The following ING3 variants were observed in gnomAD, a reference collection of about 807,000 sequenced individuals.
ING3 encodes inhibitor of growth family member 3.
A neutral mutation model predicts 64.8 loss-of-function variants in ING3; 6 were observed. That is an observed-to-expected ratio of 0.09 (90% CI 0.05 to 0.18). The LOEUF (loss-of-function observed/expected upper bound fraction) is 0.18, where lower values mean the gene tolerates loss of function less well. ING3 is among the 10% of genes least tolerant of loss of function. ING3 has a pLI of 1.00. For synonymous variants in ING3, 170 were observed against 173.7 expected (o/e 0.98, Z 0.17); for missense variants, 310 against 489.7 (o/e 0.63, Z 3.46).
In ING3 at chr7:120,964,810, T is replaced by A. The variant is rs1795977287; in HGVS notation, c.336T>A (p.Asn112Lys). 6.2e-7 allele frequency: 1 copy of A among 1,613,394 alleles called. No homozygotes were observed. The highest frequency in any genetic ancestry group is 8.5e-7 in the Non-Finnish European group (1 of 1,179,620). ...TTAAAATGGAGCTGGAAGCTGATAA[T>A]GCTGGAATTACAGAAATATTAGAGA... ...AKFKMELEADNAGITEILERR... is the reference protein window; with the variant it reads ...AKFKMELEADKAGITEILERR... Residue 112 changes from asparagine to lysine, a missense_variant, in exon 5 of 12, where the codon AAT becomes AAA. This residue lies in a region of ING3 where 233 missense variants were observed against 289.4 expected (regional missense o/e 0.81). Transcript: ENST00000315870.
Position 120,967,989 on chromosome 7 carries a change from C to A in ING3, c.612C>A (p.Ser204=). ...CTAACAATGCCTACAATGTGAATTC[C>A]TCCCAACCTCTGGGATCCTATAACA... The part of the protein sequence containing the change: ...ASSNNAYNVN[S]SQPLGSYNIG... Residue 204 remains serine (S), a synonymous_variant, in exon 8 of 12, where the codon TCC becomes TCA. Coordinates refer to ENST00000315870, the MANE Select transcript of ING3 (RefSeq NM_019071.3). 1 of 1,614,064 alleles carries A rather than the reference C, an allele frequency of 6.2e-7. No individual in the cohort carries two copies. Among genetic ancestry groups the A allele is most frequent in the Non-Finnish European group, 8.5e-7 (1 of 1,179,970 alleles).
intron 11 of ING3, 139 bp downstream of exon 11, chr7:120,973,382 A>G: frequency 1.7e-6 from 1 of 583,064 alleles, no homozygotes; most frequent in East Asian, 2.9e-5. Flanking sequence ...TAATGCTAGA[A>G]TATTCCTCTT....
chr7:120,963,260 T>A (rs1795956384), intron 4 of ING3, among the ~76,000 whole-genome samples: 1 of 152,206 alleles, frequency 6.6e-6, no homozygotes, highest in African/African-American at 2.4e-5. Context: ...TGTTATAGGT[T>A]TTTAAATATT....
rs1795848519 is a variant in ING3, at chr7:120,956,429, G to A, written c.267+805G>A. The A allele has an allele frequency of 3.2e-6, 4 of 1,232,170 alleles. No homozygotes were observed. The South Asian group carries it at 5.3e-5, about 16-fold the overall frequency. The allele number at this position is 1,232,170 out of a possible 1,614,324, so 76.3% of individuals were successfully genotyped here. A position where few individuals can be genotyped will look rare whatever the true frequency, so the allele number is the denominator to read the frequency against. ...CTGAACAAGTACGTGTAAGTAAAAT[G>A]TCATTGGTGAGCAGGACACAAGATA... On this transcript the variant is annotated intron_variant, in intron 4 of 11. Transcript: ENST00000315870.
At position 120,951,082 on chromosome 7, in the gene ING3, C is replaced by T. The variant is rs1795755246; in HGVS notation, c.29-82C>T. ...CGTTGTGGGCTGCCGGCCCCCTCGA[C>T]CCCCCTGACGCACGCGCGCAGTGAC... On this transcript the variant is annotated intron_variant, in intron 1 of 11. Coordinates refer to ENST00000315870, the MANE Select transcript of ING3 (RefSeq NM_019071.3). 5.2e-6 allele frequency: 8 copies of T among 1,540,422 alleles called. 1 individual carries two copies. Among genetic ancestry groups the T allele is most frequent in the South Asian group, 4.5e-5 (4 of 89,130 alleles).
chr7:120,965,195 T>C (rs17143067), intron 5 of ING3, among the ~76,000 whole-genome samples: 3,622 of 152,316 alleles, frequency 0.024, 142 homozygotes, highest in African/African-American at 0.082. Context: ...ACTTAAGCTT[T>C]GAGGAAAGTT....
At chr7:120,970,994 A>G (rs1796063718) in intron 10 of ING3, 114 bp downstream of exon 10, 4 of 1,105,100 alleles carry the variant, frequency 3.6e-6, no homozygotes, top group Middle Eastern at 2.9e-4. Flanking sequence ...CTTTATTTGT[A>G]TACTTTTCTC....
chr7:120,956,787 A>G (rs1363749636), intron 4 of ING3: 2 of 977,420 alleles, frequency 2.0e-6, no homozygotes, highest in Non-Finnish European at 2.4e-6. Flanking sequence ...GTTTAGTAAC[A>G]TTCTTCCTCA....
chr7:120,974,676 C>G, intron 11 of ING3, 52 bp from the exon 12 acceptor site: 3 of 971,014 alleles, frequency 3.1e-6, no homozygotes, highest in Admixed American at 1.7e-5. Context: ...TTAATATACT[C>G]TCTTGTCTTC....
At chr7:120,951,444 G>A (rs1795764315) in intron 2 of ING3, among the ~76,000 whole-genome samples, 1 of 152,198 alleles carries the variant, frequency 6.6e-6, no homozygotes, top group Admixed American at 6.5e-5. Context: ...AGAGCAGGAG[G>A]CATTGGGACA....
At chr7:120,955,185 AG>A (rs1322965836) in intron 3 of ING3, among the ~76,000 whole-genome samples, 30 of 152,244 alleles carry the variant, frequency 2.0e-4, no homozygotes, top group Admixed American at 7.2e-4. Context: ...GCTGGAGTGC[AG>A]TGGCCCAATC....
chr7:120,958,435 T>C (rs2116662425), intron 4 of ING3, among the ~76,000 whole-genome samples: 1 of 152,330 alleles, frequency 6.6e-6, no homozygotes, highest in East Asian at 1.9e-4. Flanking sequence ...AATCATCTTA[T>C]ACTACCTAGT....
chr7:120,951,021 CG>C, intron 1 of ING3, 97 bp downstream of exon 1: 1 of 643,720 alleles, frequency 1.6e-6, no homozygotes, highest in Non-Finnish European at 2.8e-6. Flanking sequence ...GAGGGGGCGG[CG>C]GGGGATGTTT....
At chr7:120,965,471 C>T (rs1328255925) in intron 5 of ING3, among the ~76,000 whole-genome samples, 1 of 152,154 alleles carries the variant, frequency 6.6e-6, no homozygotes, top group Non-Finnish European at 1.5e-5. Context: ...ATTTCTTCAA[C>T]CTAAATAGGT....
At chr7:120,970,651 G>A (rs1796058618) in intron 9 of ING3, 37 bp from the exon 10 acceptor site, 1 of 1,605,210 alleles carries the variant, frequency 6.2e-7, no homozygotes, top group African/African-American at 1.3e-5. Flanking sequence ...TTAACTTCTG[G>A]ATGGTGAGCA....
At chr7:120,956,881 T>C in intron 4 of ING3, 2 of 863,712 alleles carry the variant, frequency 2.3e-6, no homozygotes, top group Non-Finnish European at 2.8e-6. Flanking sequence ...ATTCTTTGTT[T>C]TGTTTATTAT....
Position 120,976,253 on chromosome 7 carries a change from T to C in ING3, c.*1409T>C, listed in dbSNP as rs375677402. The C allele has an allele frequency of 3.9e-5, 6 of 152,324 alleles. No homozygotes were observed. The South Asian group carries it at 1.2e-3, about 32-fold the overall frequency. 9.4% of individuals were successfully genotyped at this position (152,324 alleles called of 1,614,324 possible). On this transcript the variant is annotated 3_prime_UTR_variant, in exon 12 of 12. Transcript: ENST00000315870. ...ATCATATATATTTTATATTGAAACT[T>C]ACTGGGTCCATCAGATTTCTGCTTT...
chr7:120,955,606 A>C lies in ING3; in HGVS notation c.249A>C (p.Ala83=), dbSNP rs754567470. ...LEDADEKVQL[A]NQIYDLVDRH... is the part of the protein sequence containing the mutation. ...ATGCAGATGAGAAGGTTCAGTTGGC[A>C]AACCAGATATATGACTTGGTAAGTA... is the stretch of plus-strand genomic sequence containing the variant. Residue 83 remains alanine (A), a synonymous_variant, in exon 4 of 12, where the codon GCA becomes GCC. Coordinates refer to ENST00000315870, the MANE Select transcript of ING3 (RefSeq NM_019071.3). The C allele has an allele frequency of 1.2e-6, 2 of 1,609,178 alleles. No individual in the cohort carries two copies. Among genetic ancestry groups the C allele is most frequent in the Non-Finnish European group, 1.7e-6 (2 of 1,175,684 alleles).
intron 2 of ING3, among the ~76,000 whole-genome samples, chr7:120,952,405 G>A (rs1010817795): frequency 2.0e-5 from 3 of 152,106 alleles, no homozygotes; most frequent in African/African-American, 4.8e-5. Flanking sequence ...TACAAAGTAG[G>A]CATTAAATAA....
Sources: allele counts gnomAD v4.1 joint callset (sites outside exome capture counted in the v4.1 genomes callset), GRCh38; gene constraint gnomAD v4.1.1; regional missense constraint gnomAD v4.1.1; transcripts MANE v1.5; gene names NCBI Gene and HGNC (gene_info 2026-07-23, HGNC 2026-07-21).